Variants in ZNF385D observed in about 807,000 individuals in gnomAD.
ZNF385D encodes the protein zinc finger protein 659.
Under a neutral mutation model 35.8 loss-of-function variants are expected in ZNF385D, and 15 were observed. The observed-to-expected ratio is 0.42, with a 90% CI of 0.28 to 0.64. The LOEUF is 0.64. Among genes scored for constraint, ZNF385D ranks in the 30% least tolerant of loss-of-function variants. The pLI, the probability that ZNF385D is intolerant of heterozygous loss-of-function variation, is 0.23. For synonymous variants in ZNF385D, 212 were observed against 186.8 expected (o/e 1.13, Z -1.10); for missense variants, 474 against 494.6 (o/e 0.96, Z 0.39).
intron 3 of ZNF385D, among the ~76,000 whole-genome samples, chr3:21,795,803 A>G (rs944144174): frequency 2.0e-5 from 3 of 152,236 alleles, no homozygotes; most frequent in Admixed American, 2.0e-4. Flanking sequence ...GGCACTCAGT[A>G]TGACTATCAA....
intron 2 of ZNF385D, among the ~76,000 whole-genome samples, chr3:22,216,998 A>G (rs949872922): frequency 2.6e-5 from 4 of 152,168 alleles, no homozygotes; most frequent in African/African-American, 9.7e-5. Context: ...TAAACAAAAA[A>G]TAACATCTAT....
intron 3 of ZNF385D, among the ~76,000 whole-genome samples, chr3:21,923,292 T>C (rs1000371913): frequency 7.3e-4 from 109 of 149,624 alleles, no homozygotes; most frequent in African/African-American, 2.4e-3. Context: ...GAAATGCAAA[T>C]CAAAACCACA....
chr3:22,372,620 A>C lies in ZNF385D; in HGVS notation c.-65T>G, dbSNP rs548156089. 3.5e-5 allele frequency: 22 copies of C among 621,392 alleles called. No individual in the cohort carries two copies. The South Asian group carries it at 1.3e-3, about 38-fold the overall frequency. The allele number at this position is 621,392 out of a possible 1,614,324, so 38.5% of individuals were successfully genotyped here. The stretch of plus-strand genomic sequence containing the variant: ...CGCACGGCTGCCCGCCTGCAGCTTC[A>C]ACGGCGGTGGTCGCCGCGAGCCGTG... On this transcript the variant is annotated 5_prime_UTR_variant, in exon 2 of 6. Transcript: ENST00000494108.
At chr3:21,573,139 T>A (rs933170187) in intron 2 of ZNF385D, among the ~76,000 whole-genome samples, 5 of 152,132 alleles carry the variant, frequency 3.3e-5, no homozygotes, top group Non-Finnish European at 7.4e-5. Flanking sequence ...TAAATATGTT[T>A]AAACAAACAA....
rs146498092 is a variant in ZNF385D at position 22,177,797 on chromosome 3, C to T, written c.107-8762G>A. 8.0e-3 allele frequency among the ~76,000 whole-genome samples: 1,214 copies of T among 152,190 alleles called. 14 individuals carry two copies. Among genetic ancestry groups the T allele is most frequent in the African/African-American group, 0.028 (1,152 of 41,516 alleles). ...CCCTTCCTGTGCCCATGTGTTCTCA[C>T]TGTTCAATTCCCACCTATGAGTGAG... On this transcript the variant is annotated intron_variant, in intron 2 of 5. Transcript: ENST00000494108.
At chr3:22,124,920 G>C (rs747093476) in intron 3 of ZNF385D, among the ~76,000 whole-genome samples, 28 of 151,986 alleles carry the variant, frequency 1.8e-4, no homozygotes, top group Non-Finnish European at 3.7e-4. Context: ...TTTTTAATTT[G>C]ATGTGACCCC....
chr3:22,234,416 T>C (rs1371219397), intron 2 of ZNF385D, among the ~76,000 whole-genome samples: 1 of 152,110 alleles, frequency 6.6e-6, no homozygotes, highest in Non-Finnish European at 1.5e-5. Flanking sequence ...TATTAAATTT[T>C]GTCCTCAAAT....
chr3:22,212,568 C>A (rs560992401), intron 2 of ZNF385D, among the ~76,000 whole-genome samples: 2 of 151,914 alleles, frequency 1.3e-5, no homozygotes, highest in East Asian at 3.9e-4. Context: ...ATTCCCTCAT[C>A]ATTAAACAAA....
intron 2 of ZNF385D, among the ~76,000 whole-genome samples, chr3:22,357,248 C>A (rs552201620): frequency 6.6e-6 from 1 of 151,816 alleles, no homozygotes; most frequent in Non-Finnish European, 1.5e-5. Flanking sequence ...GGAGAAAATA[C>A]AAACTGAAGA....
At chr3:21,668,238 C>G (rs2066463927) in intron 1 of ZNF385D, among the ~76,000 whole-genome samples, 1 of 152,094 alleles carries the variant, frequency 6.6e-6, no homozygotes, top group Non-Finnish European at 1.5e-5. Flanking sequence ...TAAGGTGACC[C>G]TTAAGTGGAG....
At chr3:22,293,888 C>T (rs371350459) in intron 2 of ZNF385D, among the ~76,000 whole-genome samples, 20 of 152,268 alleles carry the variant, frequency 1.3e-4, no homozygotes, top group Middle Eastern at 3.4e-3. Flanking sequence ...CTAAAGTTTA[C>T]AAGCACTGGT....
intron 3 of ZNF385D, among the ~76,000 whole-genome samples, chr3:22,150,283 A>G (rs1378531835): frequency 1.3e-5 from 2 of 152,172 alleles, no homozygotes; most frequent in African/African-American, 4.8e-5. Context: ...AAAGCTAGGC[A>G]TTAACTGCCA....
chr3:22,101,788 G>T (rs552927202), intron 3 of ZNF385D, among the ~76,000 whole-genome samples: 1 of 152,044 alleles, frequency 6.6e-6, no homozygotes, highest in African/African-American at 2.4e-5. Flanking sequence ...CAAATATCAA[G>T]AATGGTATAC....
intron 1 of ZNF385D, among the ~76,000 whole-genome samples, chr3:21,703,863 C>G (rs922478074): frequency 8.5e-5 from 13 of 152,124 alleles, no homozygotes; most frequent in Middle Eastern, 3.4e-3. Context: ...ATGGTCAACT[C>G]TCACCACTTT....
At chr3:22,105,585 A>G (rs1167047577) in intron 3 of ZNF385D, among the ~76,000 whole-genome samples, 2 of 152,248 alleles carry the variant, frequency 1.3e-5, no homozygotes, top group East Asian at 3.9e-4. Flanking sequence ...CAGAGAGCTG[A>G]TGGTGTAGAT....
chr3:22,026,636 A>G (rs1322393118), intron 3 of ZNF385D, among the ~76,000 whole-genome samples: 2 of 152,214 alleles, frequency 1.3e-5, no homozygotes, highest in Non-Finnish European at 2.9e-5. Flanking sequence ...TGGCATAGAC[A>G]TATTTAGCAG....
At chr3:22,298,422 T>C (rs1702715108) in intron 2 of ZNF385D, among the ~76,000 whole-genome samples, 1 of 143,626 alleles carries the variant, frequency 7.0e-6, no homozygotes, top group Non-Finnish European at 1.5e-5. Context: ...AAAACATTTA[T>C]ATATAATATA....
intron 3 of ZNF385D, chr3:21,562,083 A>T (rs889422193): frequency 4.6e-5 from 7 of 152,102 alleles, no homozygotes; most frequent in African/African-American, 1.7e-4. Context: ...CTTTTACGAC[A>T]TGCCACACAG....
chr3:21,663,915 A>ATATATATATATATATTTATT (rs1159950305), intron 2 of ZNF385D, among the ~76,000 whole-genome samples: 111 of 105,826 alleles, frequency 1.0e-3, no homozygotes, highest in Admixed American at 1.8e-3. Context: ...ATATATATAT[A>ATATATATATATATATTTATT]TATTTATTTA....
Sources: allele counts gnomAD v4.1 joint callset (sites outside exome capture counted in the v4.1 genomes callset), GRCh38; gene constraint gnomAD v4.1.1; transcripts MANE v1.5; gene names NCBI Gene and HGNC (gene_info 2026-07-23, HGNC 2026-07-21).